The following GINS1 variants were observed in gnomAD, a reference collection of about 807,000 sequenced individuals.
The protein encoded by GINS1 is GINS complex subunit 1.
A neutral mutation model predicts 34.9 loss-of-function variants in GINS1; 26 were observed. The ratio of observed to expected loss-of-function variants is 0.74; its 90% CI spans 0.55 to 1.03. The LOEUF (loss-of-function observed/expected upper bound fraction) is 1.03, where lower values mean the gene tolerates loss of function less well. Ranked by LOEUF, GINS1 falls within the 50% of genes least tolerant of loss-of-function variation. GINS1 has a pLI of 0.00. For synonymous variants in GINS1, 97 were observed against 84.4 expected (o/e 1.15, Z -0.82); for missense variants, 235 against 237.9 (o/e 0.99, Z 0.08).
chr20:25,434,237 C>T (rs6050613), intron 5 of GINS1, among the ~76,000 whole-genome samples: 4,148 of 151,766 alleles, frequency 0.027, 180 homozygotes, highest in African/African-American at 0.091. Context: ...GAACTGAGAT[C>T]GCACCATTGC....
chr20:25,408,028 A>G lies in GINS1; in HGVS notation c.75+133A>G. The G allele has an allele frequency of 4.4e-6, 3 of 681,372 alleles. No homozygotes were observed. In the South Asian group the frequency reaches 5.0e-5, roughly 11 times the overall value. The allele number at this position is 681,372 out of a possible 1,614,324, so 42.2% of individuals were successfully genotyped here. ...TCCGGAAAACTTGGGAAGCAGCAAA[A>G]CAAAATTCAGGAGGAAAGAGAAAGC... On this transcript the variant is annotated intron_variant, in intron 1 of 6. Coordinates refer to ENST00000262460, the MANE Select transcript of GINS1 (RefSeq NM_021067.5).
intron 4 of GINS1, among the ~76,000 whole-genome samples, chr20:25,422,756 A>G (rs2090363978): frequency 1.3e-5 from 2 of 152,196 alleles, no homozygotes; most frequent in South Asian, 4.1e-4. Context: ...CTGTTGATAT[A>G]TTAGCAAGAG....
chr20:25,408,517 AG>A (rs976713527), intron 1 of GINS1, among the ~76,000 whole-genome samples: 1 of 152,132 alleles, frequency 6.6e-6, no homozygotes. Flanking sequence ...CTGCTACCCC[AG>A]GGAGAGTGCT....
intron 5 of GINS1, among the ~76,000 whole-genome samples, chr20:25,430,882 T>C (rs1004145138): frequency 3.3e-5 from 5 of 152,258 alleles, no homozygotes; most frequent in Non-Finnish European, 1.5e-5. Flanking sequence ...TCTATAGTTT[T>C]CTTGGAGTAT....
intron 5 of GINS1, among the ~76,000 whole-genome samples, chr20:25,428,516 G>A (rs1180378053): frequency 1.4e-5 from 2 of 142,862 alleles, no homozygotes; most frequent in East Asian, 4.1e-4. Flanking sequence ...CCATTCTCCT[G>A]CCTCAGCCTC....
At chr20:25,416,778 A>T (rs2090323326) in intron 2 of GINS1, among the ~76,000 whole-genome samples, 1 of 151,924 alleles carries the variant, frequency 6.6e-6, no homozygotes, top group African/African-American at 2.4e-5. Context: ...TTTGTCTCTT[A>T]TCTCAGCGTG....
intron 1 of GINS1, among the ~76,000 whole-genome samples, chr20:25,412,126 C>G (rs996149827): frequency 1.3e-5 from 2 of 151,904 alleles, no homozygotes; most frequent in African/African-American, 2.4e-5. Context: ...CGAAAAAAAT[C>G]AGAATTCTAA....
chr20:25,431,653 C>T (rs997788763), intron 5 of GINS1, among the ~76,000 whole-genome samples: 3 of 151,284 alleles, frequency 2.0e-5, no homozygotes. Flanking sequence ...TCACTTCATC[C>T]TCCGCCTCCA....
At chr20:25,420,882 AT>A (rs1169981190) in intron 4 of GINS1, 2 of 977,102 alleles carry the variant, frequency 2.0e-6, no homozygotes, top group Non-Finnish European at 2.4e-6. Context: ...ATGAGAAGAG[AT>A]TAATACAGAT....
At chr20:25,433,088 A>G (rs1482676622) in intron 5 of GINS1, among the ~76,000 whole-genome samples, 1 of 152,032 alleles carries the variant, frequency 6.6e-6, no homozygotes, top group Admixed American at 6.6e-5. Flanking sequence ...TCTCTTGTAG[A>G]CAACATGTGA....
At chr20:25,411,938 C>T (rs915176318) in intron 1 of GINS1, among the ~76,000 whole-genome samples, 25 of 140,218 alleles carry the variant, frequency 1.8e-4, no homozygotes, top group Admixed American at 4.9e-4. Flanking sequence ...AACAAAACTC[C>T]GTCTCAAAAA....
chr20:25,441,948 A>T (rs1272923736), intron 6 of GINS1, among the ~76,000 whole-genome samples, 172 bp downstream of exon 6: 1 of 152,150 alleles, frequency 6.6e-6, no homozygotes, highest in Non-Finnish European at 1.5e-5. Context: ...ACTGGAAGCA[A>T]ATGTTGCATA....
At position 25,448,065 on chromosome 20, in the gene GINS1, A is replaced by C. The variant is rs986221593; in HGVS notation, c.*2074A>C. ...AGGATCACTTGAACCCCAGAGGTCA[A>C]GACTGCAGTGAGCTGAGATCACACC... On this transcript the variant is annotated 3_prime_UTR_variant, in exon 7 of 7. Transcript: ENST00000262460. The C allele has an allele frequency of 3.3e-5, 5 of 152,286 alleles. No individual in the cohort carries two copies. Among genetic ancestry groups the C allele is most frequent in the Non-Finnish European group, 7.3e-5 (5 of 68,082 alleles). The allele number at this position is 152,286 out of a possible 1,614,324, so 9.4% of individuals were successfully genotyped here.
intron 4 of GINS1, among the ~76,000 whole-genome samples, chr20:25,424,589 C>G (rs79037751): frequency 0.021 from 3,185 of 152,114 alleles, 101 homozygotes; most frequent in African/African-American, 0.072. Context: ...TTTTCATCAC[C>G]CTACAAAGAA....
chr20:25,418,428 A>T (rs1312997352), intron 4 of GINS1, among the ~76,000 whole-genome samples: 1 of 152,334 alleles, frequency 6.6e-6, no homozygotes, highest in East Asian at 1.9e-4. Flanking sequence ...GATGTTACTT[A>T]TTAGTGATCC....
intron 1 of GINS1, among the ~76,000 whole-genome samples, chr20:25,411,619 C>T (rs897703226): frequency 2.6e-5 from 4 of 151,404 alleles, no homozygotes; most frequent in African/African-American, 9.7e-5. Context: ...GCCAACATGG[C>T]GAAACCCTGT....
Position 25,410,814 on chromosome 20 carries a change from C to A in GINS1, c.75+2919C>A, listed in dbSNP as rs369256120. Reference sequence around the variant, plus strand: ...CTGACCTCAGGCGATCCACCCACCTCAGCCTCCCAAAGTGCTGGGATTATA... The same window carrying A: ...CTGACCTCAGGCGATCCACCCACCTAAGCCTCCCAAAGTGCTGGGATTATA... On this transcript the variant is annotated intron_variant, in intron 1 of 6. Transcript: ENST00000262460. 2.4e-4 allele frequency among the ~76,000 whole-genome samples: 37 copies of A among 152,282 alleles called. No homozygotes were observed. The South Asian group carries it at 5.0e-3, about 20-fold the overall frequency.
chr20:25,447,758 G>A lies in GINS1; in HGVS notation c.*1767G>A, dbSNP rs1323067334. ...CCATGTGCTGGGATTACAGGCGTGA[G>A]CCTTGGTGCTGGCCCAGTGTACCAC... On this transcript the variant is annotated 3_prime_UTR_variant, in exon 7 of 7. Coordinates refer to ENST00000262460, the MANE Select transcript of GINS1 (RefSeq NM_021067.5). 6.6e-6 allele frequency: 1 copy of A among 152,286 alleles called. No individual in the cohort carries two copies. The highest frequency in any genetic ancestry group is 1.9e-4 in the East Asian group (1 of 5,204). 9.4% of individuals were successfully genotyped at this position (152,286 alleles called of 1,614,324 possible). A position where few individuals can be genotyped will look rare whatever the true frequency, so the allele number is the denominator to read the frequency against.
chr20:25,407,719 C>T lies in GINS1; in HGVS notation c.-102C>T. On this transcript the variant is annotated 5_prime_UTR_variant, in exon 1 of 7. Transcript: ENST00000262460. ...CGGAGGCCGAGGCGAGAGCCTGGCG[C>T]TGTAGGACTAGAACGAAAGGAGTGA... 1 of 901,206 alleles carries T rather than the reference C, an allele frequency of 1.1e-6. No individual in the cohort carries two copies. Among genetic ancestry groups the T allele is most frequent in the Non-Finnish European group, 1.8e-6 (1 of 554,886 alleles). The allele number at this position is 901,206 out of a possible 1,614,324, so 55.8% of individuals were successfully genotyped here.
Sources: gnomAD v4.1 joint callset for allele counts (sites outside exome capture counted in the v4.1 genomes callset) on GRCh38, gnomAD v4.1.1 for gene constraint, MANE v1.5 for transcripts, NCBI Gene and HGNC (gene_info 2026-07-23, HGNC 2026-07-21) for gene names.